The following LAMA2 variants were observed in gnomAD, a reference collection of about 807,000 sequenced individuals.
LAMA2 encodes the protein laminin subunit alpha 2, also known as laminin subunit alpha-2.
A neutral mutation model predicts 364.8 loss-of-function variants in LAMA2; 269 were observed. That is an observed-to-expected ratio of 0.74 (90% CI 0.67 to 0.82). LAMA2 has a LOEUF of 0.82. Ranked by LOEUF, LAMA2 falls within the 40% of genes least tolerant of loss-of-function variation. The pLI, the probability that LAMA2 is intolerant of heterozygous loss-of-function variation, is 0.00. For synonymous variants in LAMA2, 1,379 were observed against 1,370.6 expected, an observed-to-expected ratio of 1.01 and a Z score of -0.14; for missense variants, 3,807 against 3,873.2, an observed-to-expected ratio of 0.98 and a Z score of 0.45.
intron 1 of LAMA2, among the ~76,000 whole-genome samples, chr6:128,916,791 C>A (rs1778345263): frequency 1.3e-5 from 2 of 152,168 alleles, no homozygotes. Context: ...TCCAATTCAG[C>A]ATCTTTTCCA....
At position 129,014,202 on chromosome 6, in the gene LAMA2, A is replaced by G. The variant is rs1220000074; in HGVS notation, c.113-35716A>G. Among the ~76,000 whole-genome samples, 5 of 152,192 alleles carry G rather than the reference A, an allele frequency of 3.3e-5. No individual in the cohort carries two copies. In the East Asian group the frequency reaches 5.8e-4, roughly 18 times the overall value. ...AATTTTAGGCACCTTTTAGACATCT[A>G]AATAGAACTATTGATTTAATATTTG... On this transcript the variant is annotated intron_variant, in intron 1 of 64. Coordinates refer to ENST00000421865, the MANE Select transcript of LAMA2 (RefSeq NM_000426.4).
intron 55 of LAMA2, among the ~76,000 whole-genome samples, chr6:129,484,424 G>A (rs1325717694): frequency 6.6e-6 from 1 of 152,090 alleles, no homozygotes; most frequent in Non-Finnish European, 1.5e-5. Context: ...CCACTCCTGG[G>A]TACAGACCCA....
At chr6:129,120,114 G>A (rs1352956892) in intron 4 of LAMA2, among the ~76,000 whole-genome samples, 1 of 152,166 alleles carries the variant, frequency 6.6e-6, no homozygotes, top group African/African-American at 2.4e-5. Flanking sequence ...ACATTTTAAA[G>A]TTGCCAGAGC....
At chr6:129,202,031 T>C (rs528385715) in intron 12 of LAMA2, among the ~76,000 whole-genome samples, 12 of 150,790 alleles carry the variant, frequency 8.0e-5, no homozygotes, top group South Asian at 4.2e-4. Context: ...CTACTAAAAA[T>C]ACAAAAATTA....
intron 12 of LAMA2, among the ~76,000 whole-genome samples, chr6:129,204,146 T>C (rs536519009): frequency 6.6e-6 from 1 of 152,330 alleles, no homozygotes; most frequent in Admixed American, 6.5e-5. Context: ...TTATATGCCT[T>C]TAATGGCAGC....
At chr6:129,114,133 C>A (rs1173342376) in intron 4 of LAMA2, among the ~76,000 whole-genome samples, 1 of 151,820 alleles carries the variant, frequency 6.6e-6, no homozygotes, top group Non-Finnish European at 1.5e-5. Context: ...AAATTGGATG[C>A]AGATCAAATA....
At chr6:129,135,133 G>A (rs900459631) in intron 4 of LAMA2, among the ~76,000 whole-genome samples, 5 of 152,112 alleles carry the variant, frequency 3.3e-5, no homozygotes, top group African/African-American at 9.7e-5. Flanking sequence ...GAAAAGCCAA[G>A]ATCTGCAGAA....
intron 12 of LAMA2, among the ~76,000 whole-genome samples, chr6:129,212,293 G>A (rs1009098402): frequency 6.6e-6 from 1 of 152,180 alleles, no homozygotes; most frequent in African/African-American, 2.4e-5. Context: ...CAAAGAATTT[G>A]AAGACTGGAA....
intron 32 of LAMA2, among the ~76,000 whole-genome samples, chr6:129,361,295 T>G (rs1038934352): frequency 5.9e-5 from 9 of 152,238 alleles, no homozygotes; most frequent in African/African-American, 2.2e-4. Flanking sequence ...AAATTATAAT[T>G]GTTACTACTG....
chr6:129,327,469 G>GA (rs1409756605), intron 28 of LAMA2, among the ~76,000 whole-genome samples: 3 of 152,066 alleles, frequency 2.0e-5, no homozygotes, highest in African/African-American at 7.2e-5. Context: ...CATGGGATTT[G>GA]AAAAACTGAC....
chr6:129,513,152 G>A (rs934963646), intron 63 of LAMA2, among the ~76,000 whole-genome samples: 1 of 152,132 alleles, frequency 6.6e-6, no homozygotes, highest in African/African-American at 2.4e-5. Flanking sequence ...AATAGGAATC[G>A]TACTTCAACT....
intron 1 of LAMA2, among the ~76,000 whole-genome samples, chr6:128,885,820 C>T (rs893444276): frequency 6.6e-6 from 1 of 151,994 alleles, no homozygotes; most frequent in Non-Finnish European, 1.5e-5. Context: ...ATAGCATACT[C>T]GATTGTAGTA....
At chr6:128,883,499 GAAGCAAGTTCAAGTTCA>G (rs1441605704) in intron 1 of LAMA2, 142 bp downstream of exon 1, 1 of 1,402,106 alleles carries the variant, frequency 7.1e-7, no homozygotes, top group African/African-American at 1.4e-5. Context: ...AGAGGAACTT[GAAGCAAGTTCAAGTTCA>G]ATGCCATGAG....
Position 129,200,149 on chromosome 6 carries a change from C to T in LAMA2, c.1782+7296C>T, listed in dbSNP as rs1273450748. ...GTATATATATACGTGTACACATATACACGTGTATATATATATACGTGTACA... is the reference window on the plus strand; with the variant it reads ...GTATATATATACGTGTACACATATATACGTGTATATATATATACGTGTACA... On this transcript the variant is annotated intron_variant, in intron 12 of 64. Transcript: ENST00000421865. Among the ~76,000 whole-genome samples, 67 of 86,710 alleles carry T rather than the reference C, an allele frequency of 7.7e-4. 1 individual carries two copies. The highest frequency in any genetic ancestry group is 5.7e-3 in the East Asian group (18 of 3,150). 56.9% of individuals were successfully genotyped at this position (86,710 alleles called of 152,430 possible).
At chr6:129,248,603 A>C (rs1412633583) in intron 12 of LAMA2, among the ~76,000 whole-genome samples, 1 of 152,202 alleles carries the variant, frequency 6.6e-6, no homozygotes, top group African/African-American at 2.4e-5. Context: ...ATAGATTTGA[A>C]AGCTCAAAAT....
chr6:129,270,610 C>T lies in LAMA2; in HGVS notation c.2323-14C>T, dbSNP rs773319038. ...CACCAAAATAATAAACTCTGATGCT[C>T]ATTTCTTTCTCAGAACTGTAAGGAT... On this transcript the variant is annotated splice_polypyrimidine_tract_variant and intron_variant, in intron 16 of 64. Transcript: ENST00000421865. The T allele has an allele frequency of 5.0e-6, 8 of 1,612,616 alleles. No homozygotes were observed. Among genetic ancestry groups the T allele is most frequent in the Non-Finnish European group, 6.8e-6 (8 of 1,179,064 alleles).
chr6:129,167,449 A>T (rs1779829555), intron 9 of LAMA2, among the ~76,000 whole-genome samples: 2 of 151,686 alleles, frequency 1.3e-5, no homozygotes, highest in African/African-American at 2.4e-5. Flanking sequence ...ACTGAGAATG[A>T]TGTTTTCCAA....
chr6:128,896,976 A>G (rs536005125), intron 1 of LAMA2, among the ~76,000 whole-genome samples: 154 of 152,376 alleles, frequency 1.0e-3, no homozygotes, highest in African/African-American at 3.5e-3. Context: ...AGCATGTCTC[A>G]TGCCTTAATT....
chr6:129,427,746 C>A lies in LAMA2; in HGVS notation c.5866-6C>A, dbSNP rs772718258. On this transcript the variant is annotated splice_polypyrimidine_tract_variant and splice_region_variant and intron_variant, in intron 40 of 64. Coordinates refer to ENST00000421865, the MANE Select transcript of LAMA2 (RefSeq NM_000426.4). ...AGATGTATGACATTTGTTTTTCTGT[C>A]CACAGGCAACAGGTCCTCGGGGTTT... 1.2e-6 allele frequency: 2 copies of A among 1,603,974 alleles called. No individual in the cohort carries two copies. Among genetic ancestry groups the A allele is most frequent in the South Asian group, 2.2e-5 (2 of 90,878 alleles).
Sources: gnomAD v4.1 joint callset for allele counts (sites outside exome capture counted in the v4.1 genomes callset) on GRCh38, gnomAD v4.1.1 for gene constraint, MANE v1.5 for transcripts, NCBI Gene and HGNC (gene_info 2026-07-23, HGNC 2026-07-21) for gene names.